TLE4: variants seen among roughly 807,000 people sequenced by gnomAD.
The protein encoded by TLE4 is TLE family member 4, transcriptional corepressor, also known as transducin-like enhancer protein 4.
Under a neutral mutation model 92.8 loss-of-function variants are expected in TLE4, and 8 were observed. That is an observed-to-expected ratio of 0.09 (90% CI 0.05 to 0.16). The LOEUF is 0.16. TLE4 is among the 10% of genes least tolerant of loss of function. The probability of loss-of-function intolerance (pLI) is 1.00; values close to 1 mark genes in which losing one functional copy is unlikely to be tolerated. For synonymous variants in TLE4, 371 were observed against 374.1 expected (o/e 0.99, Z 0.10); for missense variants, 675 against 997.6 (o/e 0.68, Z 4.36).
intron 4 of TLE4, among the ~76,000 whole-genome samples, chr9:79,577,583 T>C (rs1283609883): frequency 6.6e-6 from 1 of 152,248 alleles, no homozygotes; most frequent in African/African-American, 2.4e-5. Flanking sequence ...CTCTTAGTTC[T>C]ACCTTACAGG....
intron 8 of TLE4, among the ~76,000 whole-genome samples, chr9:79,695,777 A>G (rs1422251410): frequency 6.6e-6 from 1 of 152,204 alleles, no homozygotes; most frequent in East Asian, 1.9e-4. Context: ...TGTGACATTT[A>G]AGCTGAAACA....
At chr9:79,641,620 C>T (rs1234233906) in intron 6 of TLE4, among the ~76,000 whole-genome samples, 1 of 152,182 alleles carries the variant, frequency 6.6e-6, no homozygotes, top group Non-Finnish European at 1.5e-5. Context: ...ATTCTCCCAG[C>T]TGTCTGCAGT....
intron 8 of TLE4, among the ~76,000 whole-genome samples, chr9:79,685,254 A>G (rs1222822379): frequency 6.6e-6 from 1 of 152,174 alleles, no homozygotes; most frequent in Non-Finnish European, 1.5e-5. Context: ...GGTAATTTGT[A>G]TACTGCAATA....
intron 8 of TLE4, among the ~76,000 whole-genome samples, chr9:79,683,340 T>G (rs1340285486): frequency 6.6e-6 from 1 of 152,324 alleles, no homozygotes; most frequent in East Asian, 1.9e-4. Flanking sequence ...TATGTCCCCT[T>G]TTTGAAATGT....
At chr9:79,631,680 G>A (rs1251158128) in intron 6 of TLE4, among the ~76,000 whole-genome samples, 2 of 134,102 alleles carry the variant, frequency 1.5e-5, no homozygotes, top group East Asian at 4.8e-4. Context: ...CATTGACAAC[G>A]TGGTAAGAGG....
chr9:79,605,884 TATC>T lies in TLE4; in HGVS notation c.253-6766_253-6764del, dbSNP rs1230143851. On this transcript the variant is annotated intron_variant, in intron 4 of 19. Coordinates refer to ENST00000376552, the MANE Select transcript of TLE4 (RefSeq NM_007005.6). ...CAAACCAAGTTGACATTGCTTGTGG[TATC>T]ATCATTAGTAGAATCATTGCTTTGG... is the stretch of plus-strand genomic sequence containing the variant. 4.6e-5 allele frequency among the ~76,000 whole-genome samples: 7 copies of T among 152,260 alleles called. No homozygotes were observed. The South Asian group carries it at 1.2e-3, about 27-fold the overall frequency.
intron 4 of TLE4, among the ~76,000 whole-genome samples, chr9:79,577,194 A>G (rs2038095413): frequency 6.6e-6 from 1 of 152,138 alleles, no homozygotes; most frequent in East Asian, 1.9e-4. Flanking sequence ...AGTTGAGAAA[A>G]TATGAAATGA....
intron 6 of TLE4, among the ~76,000 whole-genome samples, chr9:79,646,316 T>C (rs2058098092): frequency 6.6e-6 from 1 of 152,186 alleles, no homozygotes. Context: ...CTTAACCCTG[T>C]TGGGAAACAT....
In TLE4 at chr9:79,576,197, C is replaced by T. The variant is rs2037690700; in HGVS notation, c.252+20C>T. The T allele has an allele frequency of 6.6e-7, 1 of 1,511,658 alleles. No individual in the cohort carries two copies. The highest frequency in any genetic ancestry group is 1.8e-5 in the Admixed American group (1 of 54,148). 93.6% of individuals were successfully genotyped at this position (1,511,658 alleles called of 1,614,324 possible). Reference sequence around the variant, plus strand: ...AAGCAGGTAAGTTATTTCTTTATAACCATTTTAAATGACAGTAATACTGGG... The same window carrying T: ...AAGCAGGTAAGTTATTTCTTTATAATCATTTTAAATGACAGTAATACTGGG... On this transcript the variant is annotated intron_variant, in intron 4 of 19. Transcript: ENST00000376552.
At chr9:79,665,015 A>C (rs988717363) in intron 8 of TLE4, among the ~76,000 whole-genome samples, 9 of 152,272 alleles carry the variant, frequency 5.9e-5, no homozygotes, top group African/African-American at 2.2e-4. Context: ...TTAGGGTGAA[A>C]ATTTCCTTTA....
intron 8 of TLE4, among the ~76,000 whole-genome samples, 155 bp downstream of exon 8, chr9:79,654,230 ATT>A (rs35639126): frequency 1.7e-3 from 219 of 131,170 alleles, no homozygotes; most frequent in African/African-American, 4.5e-3. Flanking sequence ...TGTGTGGTTG[ATT>A]TTTTTTTTTT....
chr9:79,601,191 A>G (rs1167332570), intron 4 of TLE4, among the ~76,000 whole-genome samples: 2 of 152,210 alleles, frequency 1.3e-5, no homozygotes, highest in Non-Finnish European at 2.9e-5. Flanking sequence ...ATTGTCCAGA[A>G]TGAATTTGCA....
At position 79,572,845 on chromosome 9, in the gene TLE4, G is replaced by C; in HGVS notation, c.45+10G>C. 1 of 1,594,258 alleles carries C rather than the reference G, an allele frequency of 6.3e-7. No individual in the cohort carries two copies. Among genetic ancestry groups the C allele is most frequent in the South Asian group, 1.1e-5 (1 of 89,002 alleles). On this transcript the variant is annotated intron_variant, in intron 1 of 19. Transcript: ENST00000376552. ...GCAGACCAGACACCCAGTGAGTGCG[G>C]GCGGCGGGGCGCGGGCTCGCCGGGT...
At chr9:79,617,251 ATT>A (rs899347568) in intron 5 of TLE4, among the ~76,000 whole-genome samples, 1 of 146,844 alleles carries the variant, frequency 6.8e-6, no homozygotes, top group Admixed American at 6.8e-5. Context: ...GAGGAAGGGA[ATT>A]TTTTTTTTTT....
chr9:79,638,824 G>A (rs2056539389), intron 6 of TLE4, among the ~76,000 whole-genome samples: 2 of 152,058 alleles, frequency 1.3e-5, no homozygotes, highest in South Asian at 2.1e-4. Context: ...GTTGTTCTTG[G>A]GTTTCTTTCA....
chr9:79,611,821 T>C (rs2048427325), intron 4 of TLE4, among the ~76,000 whole-genome samples: 1 of 151,794 alleles, frequency 6.6e-6, no homozygotes, highest in East Asian at 1.9e-4. Context: ...CATGTAGTGG[T>C]GGTTTTTCTT....
In TLE4 at chr9:79,680,098, A is replaced by G. The variant is rs578188813; in HGVS notation, c.610-24685A>G. Among the ~76,000 whole-genome samples the G allele has an allele frequency of 1.8e-4, 27 of 151,838 alleles. No homozygotes were observed. In the East Asian group the frequency reaches 3.5e-3, roughly 20 times the overall value. On this transcript the variant is annotated intron_variant, in intron 8 of 19. Coordinates refer to ENST00000376552, the MANE Select transcript of TLE4 (RefSeq NM_007005.6). ...TGGCTTAGGATTGACTTCGTGATGC[A>G]GGCTCTTTTTTGGTTCCATATGAAC...
At chr9:79,641,021 G>A (rs780525697) in intron 6 of TLE4, among the ~76,000 whole-genome samples, 9 of 151,764 alleles carry the variant, frequency 5.9e-5, no homozygotes, top group Admixed American at 1.3e-4. Context: ...AAATATTACT[G>A]TGGGGCTACC....
intron 4 of TLE4, among the ~76,000 whole-genome samples, chr9:79,587,892 A>T (rs1450860664): frequency 6.6e-6 from 1 of 152,200 alleles, no homozygotes; most frequent in Admixed American, 6.5e-5. Flanking sequence ...TAAATGCTTC[A>T]GATGTATTAA....
Sources: allele counts gnomAD v4.1 joint callset (sites outside exome capture counted in the v4.1 genomes callset), GRCh38; gene constraint gnomAD v4.1.1; transcripts MANE v1.5; gene names NCBI Gene and HGNC (gene_info 2026-07-23, HGNC 2026-07-21).